The following CPLX1 variants were observed in gnomAD, a reference collection of about 807,000 sequenced individuals.
The protein encoded by CPLX1 is complexin-1.
CPLX1 carries 6 observed loss-of-function variants against 15.6 expected under a neutral mutation model. The ratio of observed to expected loss-of-function variants is 0.39; its 90% CI spans 0.21 to 0.76. CPLX1 has a LOEUF of 0.76. Ranked by LOEUF, CPLX1 falls within the 30% of genes least tolerant of loss-of-function variation. The probability of loss-of-function intolerance (pLI) is 0.43; values close to 1 mark genes in which losing one functional copy is unlikely to be tolerated. For synonymous variants in CPLX1, 91 were observed against 75.2 expected (o/e 1.21, Z -1.08); for missense variants, 242 against 188.6 (o/e 1.28, Z -1.66).
At chr4:822,331 A>G (rs1324246022) in intron 2 of CPLX1, among the ~76,000 whole-genome samples, 1 of 130,312 alleles carries the variant, frequency 7.7e-6, no homozygotes, top group Non-Finnish European at 1.6e-5. Flanking sequence ...CTCTGCTCCC[A>G]TCTCTCCCTG....
At chr4:819,162 A>G (rs995231261) in intron 2 of CPLX1, among the ~76,000 whole-genome samples, 12 of 152,268 alleles carry the variant, frequency 7.9e-5, no homozygotes, top group African/African-American at 2.7e-4. Flanking sequence ...CGCAGGAGCT[A>G]TTGAAACAAA....
At chr4:806,856 G>A (rs184547118) in intron 2 of CPLX1, among the ~76,000 whole-genome samples, 8 of 152,318 alleles carry the variant, frequency 5.3e-5, no homozygotes, top group Non-Finnish European at 7.3e-5. Context: ...CAGAGAAATA[G>A]GAACACTTTT....
intron 2 of CPLX1, among the ~76,000 whole-genome samples, chr4:793,955 C>T (rs1015227954): frequency 1.3e-5 from 2 of 152,246 alleles, no homozygotes; most frequent in Non-Finnish European, 2.9e-5. Flanking sequence ...CCCCCCACCT[C>T]GTTTCTGTGG....
intron 2 of CPLX1, among the ~76,000 whole-genome samples, chr4:819,748 C>T (rs920371763): frequency 6.6e-6 from 1 of 152,238 alleles, no homozygotes; most frequent in East Asian, 1.9e-4. Flanking sequence ...AATGGAAACC[C>T]TCCATGAGAG....
At chr4:814,653 C>T (rs1746716114) in intron 2 of CPLX1, among the ~76,000 whole-genome samples, 1 of 152,246 alleles carries the variant, frequency 6.6e-6, no homozygotes. Flanking sequence ...TAAATCTGTG[C>T]CTTAAATCTG....
intron 2 of CPLX1, among the ~76,000 whole-genome samples, chr4:809,532 G>A (rs1361519897): frequency 6.6e-6 from 1 of 152,164 alleles, no homozygotes; most frequent in Non-Finnish European, 1.5e-5. Context: ...CTGAGGGGGT[G>A]GGGGGGACCT....
At chr4:822,829 G>GC (rs1466982585) in intron 2 of CPLX1, among the ~76,000 whole-genome samples, 2 of 151,472 alleles carry the variant, frequency 1.3e-5, no homozygotes, top group East Asian at 3.9e-4. Flanking sequence ...TCGACTGGAA[G>GC]CCCCCCACCA....
intron 2 of CPLX1, among the ~76,000 whole-genome samples, chr4:813,551 A>T (rs1246750252): frequency 6.6e-6 from 1 of 152,166 alleles, no homozygotes; most frequent in Non-Finnish European, 1.5e-5. Context: ...GCAATGAGAT[A>T]TCAAGAAATC....
At chr4:795,822 T>C (rs1321848386) in intron 2 of CPLX1, among the ~76,000 whole-genome samples, 2 of 150,324 alleles carry the variant, frequency 1.3e-5, no homozygotes, top group Non-Finnish European at 3.0e-5. Flanking sequence ...GGGGTGCAGA[T>C]CGCGGCGCCT....
At chr4:788,626 T>C (rs1746073825) in intron 3 of CPLX1, 1 of 982,648 alleles carries the variant, frequency 1.0e-6, no homozygotes, top group African/African-American at 1.7e-5. Context: ...GCAGATTGGT[T>C]CTCGTCCTAG....
At chr4:793,797 G>C (rs1049160741) in intron 2 of CPLX1, among the ~76,000 whole-genome samples, 4 of 152,222 alleles carry the variant, frequency 2.6e-5, no homozygotes, top group African/African-American at 7.2e-5. Flanking sequence ...CTCCTTGAAG[G>C]TCTTGCCTCT....
intron 2 of CPLX1, among the ~76,000 whole-genome samples, chr4:800,889 C>T (rs1243903187): frequency 6.6e-6 from 1 of 151,380 alleles, no homozygotes; most frequent in Non-Finnish European, 1.5e-5. Context: ...TGGTGACGGG[C>T]ACCCGTAATC....
At chr4:816,847 G>A (rs1746766445) in intron 2 of CPLX1, among the ~76,000 whole-genome samples, 2 of 152,136 alleles carry the variant, frequency 1.3e-5, no homozygotes, top group South Asian at 4.1e-4. Context: ...CAAAAGATGG[G>A]AGAGGAGTCG....
intron 2 of CPLX1, among the ~76,000 whole-genome samples, chr4:805,286 C>T (rs1746536841): frequency 6.6e-6 from 1 of 152,178 alleles, no homozygotes; most frequent in African/African-American, 2.4e-5. Flanking sequence ...GAAGGAGGAT[C>T]GGAGGGTTAC....
chr4:792,454 C>T lies in CPLX1; in HGVS notation c.186G>A (p.Val62=), dbSNP rs759157151. The T allele has an allele frequency of 1.2e-6, 2 of 1,601,976 alleles. No homozygotes were observed. The highest frequency in any genetic ancestry group is 2.7e-5 in the African/African-American group (2 of 74,398). ...YAKMEAEREA[V]RQGIRDKYGI... is the part of the protein sequence containing the mutation. ...GCACCTTGTCTCGGATGCCCTGGCG[C>T]ACGGCCTCGCGCTCCGCCTCCATCT... Residue 62 remains valine (V), a synonymous_variant, in exon 3 of 4, where the codon GTG becomes GTA. Coordinates refer to ENST00000304062, the MANE Select transcript of CPLX1 (RefSeq NM_006651.4).
intron 2 of CPLX1, among the ~76,000 whole-genome samples, chr4:804,505 G>GA (rs1436057005): frequency 6.6e-6 from 1 of 151,654 alleles, no homozygotes; most frequent in East Asian, 1.9e-4. Flanking sequence ...ACCTATATCA[G>GA]AAAAAAATCA....
chr4:812,129 C>A (rs1357098020), intron 2 of CPLX1, among the ~76,000 whole-genome samples: 1 of 152,056 alleles, frequency 6.6e-6, no homozygotes, highest in African/African-American at 2.4e-5. Flanking sequence ...GGTTGGAGTG[C>A]AGTGGTGCGA....
chr4:825,486 G>C (rs1018519134), intron 1 of CPLX1, among the ~76,000 whole-genome samples: 1 of 151,984 alleles, frequency 6.6e-6, no homozygotes, highest in South Asian at 2.1e-4. Flanking sequence ...CCCGCGGCGC[G>C]GGGAAGGAGG....
At chr4:802,930 A>G (rs1330874612) in intron 2 of CPLX1, among the ~76,000 whole-genome samples, 1 of 150,110 alleles carries the variant, frequency 6.7e-6, no homozygotes, top group African/African-American at 2.5e-5. Flanking sequence ...CAGCCTGAGC[A>G]TTAGAGTGAG....
Sources: allele counts gnomAD v4.1 joint callset (sites outside exome capture counted in the v4.1 genomes callset), GRCh38; gene constraint gnomAD v4.1.1; transcripts MANE v1.5; gene names NCBI Gene and HGNC (gene_info 2026-07-23, HGNC 2026-07-21).